NTRK2: variants seen among roughly 807,000 people sequenced by gnomAD.
The protein encoded by NTRK2 is neurotrophic receptor tyrosine kinase 2.
A neutral mutation model predicts 94.5 loss-of-function variants in NTRK2; 13 were observed. The ratio of observed to expected loss-of-function variants is 0.14; its 90% confidence interval spans 0.09 to 0.22. The LOEUF is 0.22. Among genes scored for constraint, NTRK2 ranks in the 10% least tolerant of loss-of-function variants. The pLI is 1.00. For missense variants in NTRK2, 639 were observed against 1,071.2 expected, an observed-to-expected ratio of 0.60 and a Z score of 5.63; for synonymous variants, 372 against 407.4, an observed-to-expected ratio of 0.91 and a Z score of 1.05.
chr9:84,730,436 T>A (rs2062757564), intron 9 of NTRK2, among the ~76,000 whole-genome samples: 1 of 151,680 alleles, frequency 6.6e-6, no homozygotes, highest in South Asian at 2.1e-4. Flanking sequence ...TCTATTAACC[T>A]CCTTTAAAAC....
At chr9:84,994,338 C>T (rs4410985) in intron 17 of NTRK2, among the ~76,000 whole-genome samples, 112,234 of 152,098 alleles carry the variant, frequency 0.74, 42,174 homozygotes, top group African/African-American at 0.84. Context: ...AGACACCCAA[C>T]AAAAATGTTC....
intron 12 of NTRK2, among the ~76,000 whole-genome samples, chr9:84,789,376 C>T (rs1030599398): frequency 6.6e-6 from 1 of 152,178 alleles, no homozygotes; most frequent in Admixed American, 6.5e-5. Context: ...GAGCCCAGAG[C>T]CAATTGTCCA....
intron 12 of NTRK2, among the ~76,000 whole-genome samples, chr9:84,787,298 A>AAAAC (rs543829789): frequency 4.5e-4 from 68 of 151,912 alleles, no homozygotes; most frequent in East Asian, 2.1e-3. Context: ...AACTCCGTCT[A>AAAAC]AAACAAACAA....
intron 17 of NTRK2, among the ~76,000 whole-genome samples, chr9:85,009,545 T>G (rs1831336711): frequency 6.6e-6 from 1 of 152,204 alleles, no homozygotes; most frequent in Non-Finnish European, 1.5e-5. Context: ...TATGGGTATA[T>G]TTTATCTGTA....
At chr9:84,687,582 A>G (rs915189996) in intron 2 of NTRK2, among the ~76,000 whole-genome samples, 4 of 152,168 alleles carry the variant, frequency 2.6e-5, no homozygotes, top group Admixed American at 6.5e-5. Flanking sequence ...CTTTGATTGC[A>G]TTTTGTATCT....
chr9:84,733,117 C>G (rs2063006170), intron 9 of NTRK2, among the ~76,000 whole-genome samples: 1 of 152,142 alleles, frequency 6.6e-6, no homozygotes, highest in African/African-American at 2.4e-5. Context: ...CAGGCCTTGT[C>G]CTCTGAGCCA....
intron 14 of NTRK2, among the ~76,000 whole-genome samples, chr9:84,931,716 CAA>C (rs11395381): frequency 3.0e-5 from 3 of 100,338 alleles, no homozygotes; most frequent in Admixed American, 1.1e-4. Flanking sequence ...TAATAAAATG[CAA>C]AAAAAAAAAA....
chr9:84,743,936 T>G (rs1461219613), intron 10 of NTRK2, among the ~76,000 whole-genome samples: 4 of 152,224 alleles, frequency 2.6e-5, no homozygotes, highest in African/African-American at 9.6e-5. Flanking sequence ...CTGTTATTTT[T>G]TATTCACAAA....
At chr9:84,728,014 G>A (rs1480500209) in intron 9 of NTRK2, 55 bp downstream of exon 9, 1 of 1,535,908 alleles carries the variant, frequency 6.5e-7, no homozygotes, top group Admixed American at 1.7e-5. Flanking sequence ...TCATTCACCT[G>A]TTGACAAAAT....
At chr9:84,810,744 C>G in intron 12 of NTRK2, 1 of 1,492,734 alleles carries the variant, frequency 6.7e-7, no homozygotes, top group South Asian at 1.4e-5. Context: ...CTATATGAAG[C>G]CTGCATATAC....
At chr9:84,812,087 G>A (rs772347891) in intron 12 of NTRK2, 1 of 1,059,984 alleles carries the variant, frequency 9.4e-7, no homozygotes, top group Non-Finnish European at 1.1e-6. Context: ...TTGCACAAAT[G>A]CTGCAATTTA....
In NTRK2 at chr9:85,025,221, G is replaced by A. The variant is rs545234233; in HGVS notation, c.*3784G>A. ...AATAAAAGCCATCCCACTACATTGA[G>A]TGCTTTCTCTGGCTCCTTGCAAAGA... On this transcript the variant is annotated 3_prime_UTR_variant, in exon 19 of 19. Coordinates refer to ENST00000277120, the MANE Select transcript of NTRK2 (RefSeq NM_006180.6). The A allele has an allele frequency of 1.0e-4, 24 of 233,184 alleles. No homozygotes were observed. The highest frequency in any genetic ancestry group is 1.4e-4 in the Non-Finnish European group (17 of 117,984). 14.4% of individuals were successfully genotyped at this position (233,184 alleles called of 1,614,324 possible). A position where few individuals can be genotyped will look rare whatever the true frequency, so the allele number is the denominator to read the frequency against.
intron 12 of NTRK2, chr9:84,811,712 G>A (rs200476579): frequency 2.1e-4 from 228 of 1,065,320 alleles, no homozygotes; most frequent in Non-Finnish European, 2.4e-4. Context: ...GTGGCAGGTC[G>A]CTAATGAATA....
intron 16 of NTRK2, among the ~76,000 whole-genome samples, chr9:84,950,562 C>T (rs2078743987): frequency 6.6e-6 from 1 of 150,942 alleles, no homozygotes; most frequent in South Asian, 2.1e-4. Flanking sequence ...TGCCTTGTAT[C>T]CTCTCTAAGT....
intron 12 of NTRK2, among the ~76,000 whole-genome samples, chr9:84,835,510 G>A (rs2073819485): frequency 6.6e-6 from 1 of 151,066 alleles, no homozygotes; most frequent in Admixed American, 6.6e-5. Context: ...ACTAGATTTA[G>A]ACAGAGATAA....
intron 12 of NTRK2, among the ~76,000 whole-genome samples, chr9:84,830,948 T>G (rs2073508502): frequency 6.6e-6 from 1 of 152,232 alleles, no homozygotes; most frequent in Non-Finnish European, 1.5e-5. Flanking sequence ...ATATTGTATA[T>G]AAATATTTTT....
intron 14 of NTRK2, among the ~76,000 whole-genome samples, chr9:84,886,909 A>C (rs998064266): frequency 1.1e-4 from 16 of 152,236 alleles, no homozygotes; most frequent in Admixed American, 9.8e-4. Flanking sequence ...TCTCTGTATG[A>C]AAGGAGCAGT....
At chr9:84,907,620 G>T (rs896957744) in intron 14 of NTRK2, among the ~76,000 whole-genome samples, 3 of 151,912 alleles carry the variant, frequency 2.0e-5, no homozygotes, top group African/African-American at 7.3e-5. Context: ...ACAAATACCT[G>T]GGAATTAAAA....
At chr9:84,950,374 G>A (rs562079725) in intron 16 of NTRK2, among the ~76,000 whole-genome samples, 1 of 152,368 alleles carries the variant, frequency 6.6e-6, no homozygotes, top group African/African-American at 2.4e-5. Context: ...AGGAAGGCAA[G>A]TGATGCTTTG....
Sources: allele counts gnomAD v4.1 joint callset (sites outside exome capture counted in the v4.1 genomes callset), GRCh38; gene constraint gnomAD v4.1.1; transcripts MANE v1.5; gene names NCBI Gene and HGNC (gene_info 2026-07-23, HGNC 2026-07-21).